Variants in ACTR3C observed in about 807,000 individuals in gnomAD.
The protein encoded by ACTR3C is actin-related protein 3C.
In ACTR3C, 18 loss-of-function variants were observed where a neutral mutation model predicts 26.3. That is an observed-to-expected ratio of 0.68 (90% CI 0.47 to 1.01). ACTR3C has a LOEUF of 1.01. Ranked by LOEUF, ACTR3C falls within the 50% of genes least tolerant of loss-of-function variation. The probability of loss-of-function intolerance (pLI) is 0.00; values close to 1 mark genes in which losing one functional copy is unlikely to be tolerated. For synonymous variants in ACTR3C, 55 were observed against 94.5 expected, an observed-to-expected ratio of 0.58 and a Z score of 2.42; for missense variants, 184 against 250.7, an observed-to-expected ratio of 0.73 and a Z score of 1.80.
the ACTR3C span, among the ~76,000 whole-genome samples, chr7:150,172,342 G>A: frequency 1.3e-4 from 20 of 150,678 alleles, no homozygotes; most frequent in East Asian, 2.9e-3. Flanking sequence ...CACTTCTTAC[G>A]TGATGGCGGC....
chr7:150,159,130 C>A, the ACTR3C span, among the ~76,000 whole-genome samples: 2 of 152,134 alleles, frequency 1.3e-5, no homozygotes, highest in Non-Finnish European at 2.9e-5. Context: ...AACACCATAT[C>A]GCGCACCCTA....
chr7:149,896,054 A>AAAAAAC, the ACTR3C span, among the ~76,000 whole-genome samples: 1 of 137,092 alleles, frequency 7.3e-6, no homozygotes, highest in African/African-American at 2.7e-5. Flanking sequence ...AAAAAAAAAA[A>AAAAAAC]AACACAAAAA....
chr7:150,135,452 T>C, the ACTR3C span, among the ~76,000 whole-genome samples: 283 of 152,248 alleles, frequency 1.9e-3, 1 homozygote, highest in African/African-American at 6.5e-3. Context: ...CCGGAATGGT[T>C]AATGAGGGGA....
the ACTR3C span, among the ~76,000 whole-genome samples, chr7:149,981,600 T>C: frequency 6.7e-6 from 1 of 149,806 alleles, no homozygotes; most frequent in East Asian, 1.9e-4. Context: ...CTGTTTACCA[T>C]GAGCTGATGA....
chr7:149,890,876 G>A, the ACTR3C span: 1 of 195,508 alleles, frequency 5.1e-6, no homozygotes, highest in African/African-American at 2.3e-5. Context: ...CTAGGAATTT[G>A]GCAGCCACCC....
At chr7:150,065,694 G>T in the ACTR3C span, among the ~76,000 whole-genome samples, 1 of 151,158 alleles carries the variant, frequency 6.6e-6, no homozygotes, top group African/African-American at 2.4e-5. Context: ...AATAGGTCAG[G>T]TCAAGCCATG....
At chr7:149,981,983 C>T in the ACTR3C span, among the ~76,000 whole-genome samples, 1 of 152,220 alleles carries the variant, frequency 6.6e-6, no homozygotes, top group Non-Finnish European at 1.5e-5. Context: ...GAATGAGACC[C>T]ATGGCTACAG....
At chr7:150,154,189 A>G in the ACTR3C span, among the ~76,000 whole-genome samples, 1 of 151,734 alleles carries the variant, frequency 6.6e-6, no homozygotes, top group Non-Finnish European at 1.5e-5. Context: ...TAACCTGCAC[A>G]TTGTGCACAT....
At chr7:150,043,159 T>G in the ACTR3C span, among the ~76,000 whole-genome samples, 34 of 150,518 alleles carry the variant, frequency 2.3e-4, no homozygotes, top group South Asian at 2.1e-3. Flanking sequence ...ACCCATGTCT[T>G]ATTGTAAATC....
chr7:150,281,190 C>G (rs1391222954), intron 6 of ACTR3C, among the ~76,000 whole-genome samples: 1 of 152,030 alleles, frequency 6.6e-6, no homozygotes, highest in East Asian at 1.9e-4. Flanking sequence ...CATAGTGAAC[C>G]AAGAGGAAAG....
the ACTR3C span, among the ~76,000 whole-genome samples, chr7:149,903,564 C>T: frequency 6.6e-6 from 1 of 151,592 alleles, no homozygotes; most frequent in African/African-American, 2.4e-5. Flanking sequence ...GTTTTTGAGA[C>T]AAAGTCTCAC....
intron 1 of ACTR3C, chr7:150,322,538 CTCTATAT>C (rs1797642895): frequency 6.6e-6 from 1 of 152,234 alleles, no homozygotes; most frequent in Non-Finnish European, 1.5e-5. Context: ...TCATGAAATA[CTCTATAT>C]GGTCTAAAAA....
the ACTR3C span, among the ~76,000 whole-genome samples, chr7:150,035,106 C>T: frequency 7.1e-6 from 1 of 140,880 alleles, no homozygotes; most frequent in East Asian, 2.1e-4. Context: ...ACCTAAAACC[C>T]ACAGTCCTCC....
chr7:150,215,915 A>G, the ACTR3C span, among the ~76,000 whole-genome samples: 1 of 152,232 alleles, frequency 6.6e-6, no homozygotes, highest in Non-Finnish European at 1.5e-5. Context: ...ATTGTGTAAT[A>G]TATACACAGT....
chr7:150,132,187 A>C, the ACTR3C span, among the ~76,000 whole-genome samples: 1 of 152,172 alleles, frequency 6.6e-6, no homozygotes, highest in Admixed American at 6.5e-5. Flanking sequence ...CTAAAACAAT[A>C]GTGGTTTTCA....
the ACTR3C span, among the ~76,000 whole-genome samples, chr7:150,113,843 ATTTAT>A: frequency 6.6e-6 from 1 of 151,672 alleles, no homozygotes; most frequent in African/African-American, 2.4e-5. Context: ...CGTACTATAA[ATTTAT>A]TTTATAAGTA....
chr7:149,896,034 C>CAAAA, the ACTR3C span, among the ~76,000 whole-genome samples: 93 of 82,926 alleles, frequency 1.1e-3, no homozygotes, highest in South Asian at 0.011. Context: ...CCTGTCTCTA[C>CAAAA]AAAAAAAAAA....
the ACTR3C span, among the ~76,000 whole-genome samples, chr7:150,065,647 A>T: frequency 6.6e-6 from 1 of 151,854 alleles, no homozygotes; most frequent in Admixed American, 6.6e-5. Context: ...TCAGGGTCGG[A>T]TGGGGAGAAT....
At chr7:150,305,419 T>C (rs1795735537) in intron 1 of ACTR3C, among the ~76,000 whole-genome samples, 1 of 151,860 alleles carries the variant, frequency 6.6e-6, no homozygotes, top group South Asian at 2.1e-4. Flanking sequence ...CCACAAAGTC[T>C]CCCTAAAACA....
Sources: gnomAD v4.1 joint callset for allele counts (sites outside exome capture counted in the v4.1 genomes callset) on GRCh38, gnomAD v4.1.1 for gene constraint, MANE v1.5 for transcripts, NCBI Gene and HGNC (gene_info 2026-07-23, HGNC 2026-07-21) for gene names.